Variants in METTL25 observed in about 807,000 individuals in gnomAD.
METTL25 encodes the protein methyltransferase like 25, also known as probable methyltransferase-like protein 25.
Under a neutral mutation model 71.6 loss-of-function variants are expected in METTL25, and 64 were observed. The ratio of observed to expected loss-of-function variants is 0.89; its 90% CI spans 0.73 to 1.10. The LOEUF (loss-of-function observed/expected upper bound fraction) is 1.10, where lower values mean the gene tolerates loss of function less well. Ranked by LOEUF, METTL25 falls within the 50% of genes least tolerant of loss-of-function variation. METTL25 has a pLI of 0.00. For missense variants in METTL25, 807 were observed against 707.0 expected, an observed-to-expected ratio of 1.14 and a Z score of -1.60; for synonymous variants, 287 against 250.3, an observed-to-expected ratio of 1.15 and a Z score of -1.38.
chr12:82,428,229 C>G (rs1191862941), intron 5 of METTL25, among the ~76,000 whole-genome samples: 4 of 151,794 alleles, frequency 2.6e-5, no homozygotes, highest in Non-Finnish European at 4.4e-5. Flanking sequence ...ATGTAGCTAT[C>G]CTAGTAGTTG....
chr12:82,366,189 G>T (rs1166569347), intron 1 of METTL25, among the ~76,000 whole-genome samples: 1 of 152,154 alleles, frequency 6.6e-6, no homozygotes, highest in East Asian at 1.9e-4. Context: ...ACAGATTATT[G>T]TTATAGGTAT....
chr12:82,434,791 C>A, intron 7 of METTL25, 67 bp downstream of exon 7: 2 of 1,256,234 alleles, frequency 1.6e-6, no homozygotes, highest in Non-Finnish European at 2.3e-6. Context: ...ACTTGACCTG[C>A]TGATGAACTT....
intron 1 of METTL25, among the ~76,000 whole-genome samples, chr12:82,372,600 C>T (rs1883355231): frequency 6.6e-6 from 1 of 152,238 alleles, no homozygotes; most frequent in Admixed American, 6.5e-5. Flanking sequence ...CCTCAGGTGG[C>T]CATTTTTCCC....
intron 5 of METTL25, among the ~76,000 whole-genome samples, chr12:82,418,193 A>G (rs527597684): frequency 6.6e-6 from 1 of 152,186 alleles, no homozygotes; most frequent in African/African-American, 2.4e-5. Context: ...TGGCTTTTGA[A>G]CTAAAATAAT....
intron 8 of METTL25, among the ~76,000 whole-genome samples, chr12:82,440,784 G>T (rs748912854): frequency 2.6e-5 from 4 of 152,066 alleles, no homozygotes; most frequent in Non-Finnish European, 5.9e-5. Context: ...CCAGAGATGT[G>T]TGTGCACATG....
chr12:82,456,909 C>T (rs1424867226), intron 9 of METTL25, 89 bp downstream of exon 9: 1 of 550,526 alleles, frequency 1.8e-6, no homozygotes, highest in Non-Finnish European at 2.9e-6. Context: ...AGTTTCCCTT[C>T]TAATTTTCTC....
In METTL25 at chr12:82,438,380, C is replaced by T. The variant is rs139998011; in HGVS notation, c.1405-338C>T. On this transcript the variant is annotated intron_variant, in intron 7 of 11. Coordinates refer to ENST00000248306, the MANE Select transcript of METTL25 (RefSeq NM_032230.3). ...ACATATCCTTCCTGACTCTTAAATG[C>T]TCCAGAGCTGACTTGGTTGGTCTTG... 2.3e-3 allele frequency: 407 copies of T among 175,686 alleles called. 2 individuals carry two copies. Among genetic ancestry groups the T allele is most frequent in the African/African-American group, 9.0e-3 (383 of 42,620 alleles). 10.9% of individuals were successfully genotyped at this position (175,686 alleles called of 1,614,324 possible).
At chr12:82,427,471 T>C (rs1024449543) in intron 5 of METTL25, among the ~76,000 whole-genome samples, 4 of 151,960 alleles carry the variant, frequency 2.6e-5, no homozygotes, top group African/African-American at 9.7e-5. Context: ...CTGTACCCCT[T>C]TCAATCTAAT....
rs183813055 is a variant in METTL25, at chr12:82,472,644, A to G, written c.1573-4000A>G. Among the ~76,000 whole-genome samples, 323 of 152,164 alleles carry G rather than the reference A, an allele frequency of 2.1e-3. 1 individual carries two copies. The highest frequency in any genetic ancestry group is 7.1e-3 in the African/African-American group (295 of 41,512). On this transcript the variant is annotated intron_variant, in intron 9 of 11. Transcript: ENST00000248306. The stretch of plus-strand genomic sequence containing the variant: ...GTCTGTTCTGTTATTGAAGCTCTCA[A>G]TTGTATTTTTTATTTCATTCCTTGA...
intron 1 of METTL25, among the ~76,000 whole-genome samples, chr12:82,361,185 A>C (rs1881820147): frequency 6.6e-6 from 1 of 152,178 alleles, no homozygotes; most frequent in East Asian, 1.9e-4. Context: ...TGAGCTAGAC[A>C]TGAAAGTTCT....
intron 4 of METTL25, among the ~76,000 whole-genome samples, chr12:82,402,746 A>G (rs1009581796): frequency 1.3e-5 from 2 of 152,154 alleles, no homozygotes; most frequent in Non-Finnish European, 2.9e-5. Flanking sequence ...TAAAATCTTC[A>G]ACTCATGCTG....
intron 7 of METTL25, among the ~76,000 whole-genome samples, chr12:82,437,984 G>T (rs1890044485): frequency 6.6e-6 from 1 of 151,636 alleles, no homozygotes; most frequent in South Asian, 2.1e-4. Flanking sequence ...TAATTCTGTT[G>T]CTGCAGTGAA....
intron 5 of METTL25, among the ~76,000 whole-genome samples, chr12:82,417,476 C>T (rs956977847): frequency 6.6e-6 from 1 of 152,140 alleles, no homozygotes; most frequent in Non-Finnish European, 1.5e-5. Flanking sequence ...GTTTGTTTGG[C>T]ATTACTTGTG....
Position 82,472,325 on chromosome 12 carries a change from G to A in METTL25, c.1573-4319G>A, listed in dbSNP as rs1053510099. ...TTGAAAAAAAATTCTTGGGCCTGGCGCAGTGGCTCATGCCTGTAATCCCAG... is the reference window on the plus strand; with the variant it reads ...TTGAAAAAAAATTCTTGGGCCTGGCACAGTGGCTCATGCCTGTAATCCCAG... On this transcript the variant is annotated intron_variant, in intron 9 of 11. Coordinates refer to ENST00000248306, the MANE Select transcript of METTL25 (RefSeq NM_032230.3). Among the ~76,000 whole-genome samples, 51 of 152,186 alleles carry A rather than the reference G, an allele frequency of 3.4e-4. 1 individual carries two copies. The highest frequency in any genetic ancestry group is 1.0e-3 in the African/African-American group (42 of 41,512).
chr12:82,399,490 A>G lies in METTL25; in HGVS notation c.1131+96A>G, dbSNP rs12816597. The G allele has an allele frequency of 5.1e-6, 5 of 975,810 alleles. No individual in the cohort carries two copies. The East Asian group carries it at 1.0e-4, about 19-fold the overall frequency. 60.4% of individuals were successfully genotyped at this position (975,810 alleles called of 1,614,324 possible). On this transcript the variant is annotated intron_variant, in intron 4 of 11. Transcript: ENST00000248306. ...TAACATACATATCTTACTTGATCAC[A>G]TTAATCTAACAGACCAAGAAAATGA...
chr12:82,380,719 A>T (rs768465326), intron 1 of METTL25, among the ~76,000 whole-genome samples: 13 of 152,224 alleles, frequency 8.5e-5, no homozygotes, highest in Non-Finnish European at 1.5e-4. Flanking sequence ...CTAGGTTCTG[A>T]GGATACAGCA....
At chr12:82,370,360 C>T (rs1171399440) in intron 1 of METTL25, among the ~76,000 whole-genome samples, 6 of 152,252 alleles carry the variant, frequency 3.9e-5, no homozygotes, top group African/African-American at 4.8e-5. Context: ...ATGGCTGCCA[C>T]GGGACCTAGA....
chr12:82,439,696 A>G (rs2642013), intron 8 of METTL25, among the ~76,000 whole-genome samples: 151,743 of 151,782 alleles, frequency 1, 75,852 homozygotes, highest in Middle Eastern at 1. Context: ...TTTCCAAATC[A>G]TCAAAATGTC....
intron 5 of METTL25, among the ~76,000 whole-genome samples, chr12:82,418,204 G>A (rs1337694156): frequency 6.6e-6 from 1 of 152,108 alleles, no homozygotes; most frequent in African/African-American, 2.4e-5. Flanking sequence ...CTAAAATAAT[G>A]GAAGAATGGA....
Sources: allele counts gnomAD v4.1 joint callset (sites outside exome capture counted in the v4.1 genomes callset), GRCh38; gene constraint gnomAD v4.1.1; transcripts MANE v1.5; gene names NCBI Gene and HGNC (gene_info 2026-07-23, HGNC 2026-07-21).